CRACDL: variants seen among roughly 807,000 people sequenced by gnomAD.
CRACDL encodes CRACD-like protein.
Under a neutral mutation model 70.6 loss-of-function variants are expected in CRACDL, and 26 were observed. The observed-to-expected ratio is 0.37, with a 90% CI of 0.27 to 0.51. The LOEUF is 0.51. CRACDL is among the 20% of genes least tolerant of loss of function. The pLI, the probability that CRACDL is intolerant of heterozygous loss-of-function variation, is 0.94. For synonymous variants in CRACDL, 618 were observed against 615.2 expected (o/e 1.00, Z -0.07); for missense variants, 1,283 against 1,376.9 (o/e 0.93, Z 1.08).
chr2:98,900,619 A>G (rs755217518), intron 1 of CRACDL, among the ~76,000 whole-genome samples: 9 of 152,070 alleles, frequency 5.9e-5, no homozygotes, highest in Non-Finnish European at 8.8e-5. Context: ...GGGCGTGTGC[A>G]TGCGTGCGTG....
At chr2:98,905,085 C>G (rs1366704000) in intron 1 of CRACDL, among the ~76,000 whole-genome samples, 1 of 151,908 alleles carries the variant, frequency 6.6e-6, no homozygotes, top group Non-Finnish European at 1.5e-5. Flanking sequence ...CCCGTCTCTA[C>G]TAAAAATACA....
At chr2:98,815,870 C>A (rs1329482993) in intron 7 of CRACDL, among the ~76,000 whole-genome samples, 3 of 152,182 alleles carry the variant, frequency 2.0e-5, no homozygotes, top group African/African-American at 4.8e-5. Flanking sequence ...CCACTGCCAC[C>A]AGGGCAAGTA....
intron 7 of CRACDL, among the ~76,000 whole-genome samples, chr2:98,805,449 A>T (rs745336845): frequency 6.6e-6 from 1 of 152,106 alleles, no homozygotes; most frequent in Non-Finnish European, 1.5e-5. Flanking sequence ...CCTCACCAGC[A>T]GACCCTTTCC....
intron 1 of CRACDL, among the ~76,000 whole-genome samples, chr2:98,874,726 G>C (rs1301810022): frequency 1.3e-5 from 2 of 152,222 alleles, no homozygotes; most frequent in Non-Finnish European, 1.5e-5. Flanking sequence ...GGCCAGCCCA[G>C]TATTGTCATC....
At chr2:98,929,962 C>A (rs2104706925) in intron 1 of CRACDL, among the ~76,000 whole-genome samples, 1 of 152,200 alleles carries the variant, frequency 6.6e-6, no homozygotes, top group Middle Eastern at 3.4e-3. Context: ...GTGCTCGATA[C>A]CACGATACAT....
intron 1 of CRACDL, among the ~76,000 whole-genome samples, chr2:98,903,050 G>C (rs989861617): frequency 6.6e-6 from 1 of 152,076 alleles, no homozygotes; most frequent in Non-Finnish European, 1.5e-5. Context: ...CAGCAGGCGG[G>C]GGACCCTCAT....
chr2:98,815,873 G>A (rs1704763692), intron 7 of CRACDL, among the ~76,000 whole-genome samples: 1 of 152,228 alleles, frequency 6.6e-6, no homozygotes, highest in South Asian at 2.1e-4. Flanking sequence ...CTGCCACCAG[G>A]GCAAGTAGTT....
At position 98,866,110 on chromosome 2, in the gene CRACDL, GA is replaced by G. The variant is rs1454412225; in HGVS notation, c.-10-19301del. Among the ~76,000 whole-genome samples, 3 of 152,252 alleles carry G rather than the reference GA, an allele frequency of 2.0e-5. No individual in the cohort carries two copies. In the East Asian group the frequency reaches 5.8e-4, roughly 29 times the overall value. Reference sequence around the variant, plus strand: ...GACATATAAGAGAAAAGAAAGCAAAGAAATCTCATAATCAAAGGGCTGAAAC... The same window carrying G: ...GACATATAAGAGAAAAGAAAGCAAAGAATCTCATAATCAAAGGGCTGAAAC... On this transcript the variant is annotated intron_variant, in intron 1 of 9. Coordinates refer to ENST00000397899, the MANE Select transcript of CRACDL (RefSeq NM_207362.3).
At chr2:98,808,193 C>T (rs1175119907) in intron 7 of CRACDL, among the ~76,000 whole-genome samples, 7 of 152,326 alleles carry the variant, frequency 4.6e-5, no homozygotes, top group South Asian at 4.1e-4. Context: ...TTATTCCAGA[C>T]GTACTGGGTG....
intron 7 of CRACDL, among the ~76,000 whole-genome samples, chr2:98,817,050 C>G (rs547154837): frequency 2.8e-4 from 42 of 152,294 alleles, no homozygotes; most frequent in African/African-American, 9.4e-4. Flanking sequence ...GTACTTGCAG[C>G]AACATGAATG....
chr2:98,795,079 T>TTTTTTTTTTTTTTTGAGACAGAAG (rs1703759022), intron 9 of CRACDL, among the ~76,000 whole-genome samples: 1 of 81,960 alleles, frequency 1.2e-5, no homozygotes, highest in Non-Finnish European at 2.3e-5. Context: ...ATATATATAT[T>TTTTTTTTTTTTTTTGAGACAGAAG]TTTTTTTTTT....
rs186794182 is a variant in CRACDL, at chr2:98,907,319, C to T, written c.-11+28619G>A. On this transcript the variant is annotated intron_variant, in intron 1 of 9. Coordinates refer to ENST00000397899, the MANE Select transcript of CRACDL (RefSeq NM_207362.3). ...GGAAACAAAACAAAACAAAACAAAA[C>T]AAAAACTCTTAGTCTCCCAGCACAA... Among the ~76,000 whole-genome samples the T allele has an allele frequency of 6.8e-4, 104 of 152,190 alleles. 2 individuals are homozygous for T. The highest frequency in any genetic ancestry group is 4.6e-3 in the Admixed American group (70 of 15,282).
intron 1 of CRACDL, among the ~76,000 whole-genome samples, chr2:98,930,637 C>T (rs115996268): frequency 0.017 from 2,627 of 152,120 alleles, 33 homozygotes; most frequent in South Asian, 0.038. Flanking sequence ...TCCGTCCCCT[C>T]GCTTCTCCCT....
Position 98,867,753 on chromosome 2 carries a change from G to A in CRACDL, c.-10-20943C>T, listed in dbSNP as rs940065184. 4.6e-5 allele frequency among the ~76,000 whole-genome samples: 7 copies of A among 152,336 alleles called. No individual in the cohort carries two copies. The South Asian group carries it at 8.3e-4, about 18-fold the overall frequency. On this transcript the variant is annotated intron_variant, in intron 1 of 9. Coordinates refer to ENST00000397899, the MANE Select transcript of CRACDL (RefSeq NM_207362.3). ...AGAGCTATGACTCGTGCTGACTGCT[G>A]CACACATATGTGACGAACAGGACAC...
At position 98,822,044 on chromosome 2, in the gene CRACDL, G is replaced by T; in HGVS notation, c.2229C>A (p.Ser743Arg). Residue 743 changes from serine (S) to arginine (R), a missense_variant, in exon 7 of 10, where the codon AGC (serine) becomes AGA (arginine). Ser to Arg is a moderately radical substitution (Grantham distance 110). Coordinates refer to ENST00000397899, the MANE Select transcript of CRACDL (RefSeq NM_207362.3). The surrounding 1 kb of genome is among the most constrained non-coding windows in gnomAD (Gnocchi z 4.9). ...GCCGGGCCTTCCCCTTTCCTTGGTC[G>T]CTGGGGGCCCTGGTGCCTCGAAGGG... ...APALRGTRAP[S>R]DQGKGKARPP... The T allele has an allele frequency of 6.5e-7, 1 of 1,545,252 alleles. No individual in the cohort carries two copies.
chr2:98,870,326 C>T (rs1341394482), intron 1 of CRACDL, among the ~76,000 whole-genome samples: 2 of 152,200 alleles, frequency 1.3e-5, no homozygotes, highest in Non-Finnish European at 2.9e-5. Flanking sequence ...TTCCAAATGG[C>T]AACTGTATAT....
chr2:98,899,047 C>A (rs1443904623), intron 1 of CRACDL, among the ~76,000 whole-genome samples: 2 of 152,126 alleles, frequency 1.3e-5, no homozygotes, highest in Non-Finnish European at 2.9e-5. Flanking sequence ...CAGCAACACA[C>A]CCTCTGCTTT....
rs145089293 is a variant in CRACDL, at chr2:98,794,277, C to T, written c.*255G>A. The T allele has an allele frequency of 2.9e-4, 109 of 369,672 alleles. No homozygotes were observed. The highest frequency in any genetic ancestry group is 1.9e-3 in the African/African-American group (94 of 48,254). 22.9% of individuals were successfully genotyped at this position (369,672 alleles called of 1,614,324 possible). A position where few individuals can be genotyped will look rare whatever the true frequency, so the allele number is the denominator to read the frequency against. The stretch of plus-strand genomic sequence containing the variant: ...TCAAGGGAATTCGAAAAGACACATT[C>T]GTACCTTTGGGCACAGGAACTGGTT... On this transcript the variant is annotated 3_prime_UTR_variant, in exon 10 of 10. Coordinates refer to ENST00000397899, the MANE Select transcript of CRACDL (RefSeq NM_207362.3).
At chr2:98,829,066 A>G (rs886762081) in intron 5 of CRACDL, among the ~76,000 whole-genome samples, 6 of 152,288 alleles carry the variant, frequency 3.9e-5, no homozygotes, top group African/African-American at 1.4e-4. Flanking sequence ...TCATGAGAAT[A>G]GACAAGATCA....
Sources: allele counts gnomAD v4.1 joint callset (sites outside exome capture counted in the v4.1 genomes callset), GRCh38; gene constraint gnomAD v4.1.1; non-coding constraint Gnocchi (gnomAD v3.1); transcripts MANE v1.5; gene names NCBI Gene and HGNC (gene_info 2026-07-23, HGNC 2026-07-21).